TENM1: variants seen among roughly 807,000 people sequenced by gnomAD.
The protein encoded by TENM1 is teneurin-1.
Under a neutral mutation model 174.8 loss-of-function variants are expected in TENM1, and 35 were observed. The observed-to-expected ratio is 0.20, with a 90% confidence interval of 0.15 to 0.27. The LOEUF (loss-of-function observed/expected upper bound fraction) is 0.27, where lower values mean the gene tolerates loss of function less well. TENM1 is among the 10% of genes least tolerant of loss of function. The pLI is 1.00. For synonymous variants in TENM1, 781 were observed against 798.7 expected (o/e 0.98, Z 0.37); for missense variants, 1,633 against 2,130.1 (o/e 0.77, Z 4.59).
chrX:125,103,220 C>A, the TENM1 span, among the ~76,000 whole-genome samples: 3 of 111,575 alleles, frequency 2.7e-5, no homozygotes, highest in African/African-American at 9.8e-5. Flanking sequence ...CTTTTCAGTT[C>A]TTATTGGCTT....
At chrX:124,756,711 C>G (rs1446460353) in intron 3 of TENM1, among the ~76,000 whole-genome samples, 18 of 105,111 alleles carry the variant, frequency 1.7e-4, no homozygotes, top group African/African-American at 6.0e-4. Context: ...TTCTAACAGA[C>G]AGGACCCTCA....
the TENM1 span, among the ~76,000 whole-genome samples, chrX:125,029,934 T>C: frequency 8.9e-6 from 1 of 112,043 alleles, no homozygotes; most frequent in Non-Finnish European, 1.9e-5. Context: ...GGATTGAAGA[T>C]CATAATCCTA....
the TENM1 span, among the ~76,000 whole-genome samples, chrX:125,197,489 T>G: frequency 9.0e-6 from 1 of 111,700 alleles, no homozygotes; most frequent in Non-Finnish European, 1.9e-5. Flanking sequence ...TTCATCCAAA[T>G]GCAAGCATCT....
intron 11 of TENM1, among the ~76,000 whole-genome samples, chrX:124,622,778 A>G (rs2050546798): frequency 8.9e-6 from 1 of 111,942 alleles, no homozygotes; most frequent in Non-Finnish European, 1.9e-5. Flanking sequence ...CTTACTTTAA[A>G]AAATGCATCA....
chrX:125,043,055 A>C, the TENM1 span, among the ~76,000 whole-genome samples: 1 of 110,315 alleles, frequency 9.1e-6, no homozygotes, highest in African/African-American at 3.3e-5. Context: ...ATAAACCATA[A>C]AAACCCTAGA....
At chrX:124,678,837 A>T (rs980379177) in intron 5 of TENM1, among the ~76,000 whole-genome samples, 1 of 111,629 alleles carries the variant, frequency 9.0e-6, no homozygotes, top group Non-Finnish European at 1.9e-5. Context: ...AAATATCTTT[A>T]TAGTGCTACT....
chrX:124,680,692 C>T (rs148505652), intron 5 of TENM1, among the ~76,000 whole-genome samples: 1,317 of 111,458 alleles, frequency 0.012, 16 homozygotes, highest in African/African-American at 0.04. Flanking sequence ...TAATGAATAA[C>T]GTAGCAAAAA....
At chrX:124,455,412 T>C (rs1453013199) in intron 22 of TENM1, among the ~76,000 whole-genome samples, 1 of 112,261 alleles carries the variant, frequency 8.9e-6, no homozygotes, top group Non-Finnish European at 1.9e-5. Context: ...CCTGTTATTT[T>C]TGTGTTTTGC....
At chrX:124,491,319 T>C (rs1018656955) in intron 20 of TENM1, among the ~76,000 whole-genome samples, 1 of 111,925 alleles carries the variant, frequency 8.9e-6, no homozygotes, top group African/African-American at 3.2e-5. Flanking sequence ...TGGATCCTTC[T>C]AATACTAAGC....
intron 22 of TENM1, among the ~76,000 whole-genome samples, chrX:124,457,540 A>G (rs2061123455): frequency 8.9e-6 from 1 of 112,133 alleles, no homozygotes; most frequent in Admixed American, 9.5e-5. Context: ...ATTATCCTCC[A>G]ATGAATAAAT....
chrX:124,454,994 G>T (rs1416616686), intron 22 of TENM1, among the ~76,000 whole-genome samples: 1 of 111,883 alleles, frequency 8.9e-6, no homozygotes, highest in African/African-American at 3.3e-5. Context: ...GGCAAAATGT[G>T]AACTCATCTA....
chrX:124,891,010 T>C (rs139306171), intron 3 of TENM1, among the ~76,000 whole-genome samples: 1,220 of 111,709 alleles, frequency 0.011, 8 homozygotes, highest in Middle Eastern at 0.028. Context: ...ATGAATGGAA[T>C]TGGAAGATAT....
intron 30 of TENM1, 41 bp downstream of exon 33, chrX:124,383,593 G>C (rs1435559138): frequency 1.8e-6 from 2 of 1,114,060 alleles, no homozygotes; most frequent in Non-Finnish European, 2.4e-6. Flanking sequence ...ACAGTACTGA[G>C]TTACTCAAGT....
chrX:125,054,852 A>C, the TENM1 span, among the ~76,000 whole-genome samples: 1 of 111,639 alleles, frequency 9.0e-6, no homozygotes, highest in Non-Finnish European at 1.9e-5. Flanking sequence ...TGAGGGAAAG[A>C]GGGAGGAAAA....
intron 3 of TENM1, among the ~76,000 whole-genome samples, chrX:124,745,159 G>A (rs2053887840): frequency 1.8e-5 from 2 of 111,460 alleles, no homozygotes; most frequent in African/African-American, 3.3e-5. Context: ...CGTAACCACC[G>A]TTGTCTGGTT....
chrX:124,725,726 A>C (rs1328704264), intron 4 of TENM1, among the ~76,000 whole-genome samples: 1 of 112,483 alleles, frequency 8.9e-6, no homozygotes, highest in Non-Finnish European at 1.9e-5. Flanking sequence ...GCTTAGTAGC[A>C]CATCTTTTTG....
At chrX:125,089,436 A>C in the TENM1 span, among the ~76,000 whole-genome samples, 44 of 112,142 alleles carry the variant, frequency 3.9e-4, no homozygotes, top group African/African-American at 1.3e-3. Flanking sequence ...TAGTTGATAT[A>C]TGAGAAGATA....
chrX:124,718,552 A>G (rs1224325329), intron 4 of TENM1, among the ~76,000 whole-genome samples: 1 of 112,350 alleles, frequency 8.9e-6, no homozygotes, highest in African/African-American at 3.2e-5. Flanking sequence ...GATAAAAATT[A>G]TATGACGAGT....
chrX:125,160,584 G>C, the TENM1 span, among the ~76,000 whole-genome samples: 7 of 99,475 alleles, frequency 7.0e-5, no homozygotes, highest in Non-Finnish European at 1.4e-4. Context: ...GAGAGAGAGA[G>C]AGAAAGAAAA....
Sources: allele counts gnomAD v4.1 joint callset (sites outside exome capture counted in the v4.1 genomes callset), GRCh38; gene constraint gnomAD v4.1.1; transcripts MANE v1.5; gene names NCBI Gene and HGNC (gene_info 2026-07-23, HGNC 2026-07-21).